Variants in TEX15 observed in about 807,000 individuals in gnomAD.
TEX15 encodes testis-expressed protein 15.
A neutral mutation model predicts 237.3 loss-of-function variants in TEX15; 171 were observed. That is an observed-to-expected ratio of 0.72 (90% CI 0.64 to 0.82). The LOEUF is 0.82. Ranked by LOEUF, TEX15 falls within the 40% of genes least tolerant of loss-of-function variation. The probability of loss-of-function intolerance (pLI) is 0.00; values close to 1 mark genes in which losing one functional copy is unlikely to be tolerated. For synonymous variants in TEX15, 1,338 were observed against 1,269.8 expected (o/e 1.05, Z -1.14); for missense variants, 3,750 against 3,646.5 (o/e 1.03, Z -0.73).
Position 30,848,722 on chromosome 8 carries a change from A to G in TEX15, c.1445T>C (p.Val482Ala), listed in dbSNP as rs768814130. The G allele has an allele frequency of 1.2e-6, 2 of 1,614,174 alleles. No individual in the cohort carries two copies. Among genetic ancestry groups the G allele is most frequent in the East Asian group, 2.2e-5 (1 of 44,880 alleles). The change falls in exon 8 of 11, where the codon GTT (valine) becomes GCT (alanine). Residue 482 changes from valine (V) to alanine (A), a missense_variant. By Grantham distance (64) the Val-to-Ala change is moderately conservative. Coordinates refer to ENST00000643185, the MANE Select transcript of TEX15 (RefSeq NM_001350162.2). ...TPSNSASSSE[V>A]VPGDCAVLTN... ...AAGAACAGCACAATCACCAGGGACA[A>G]CTTCTGAGGAGGAGGCAGAATTAGA...
intron 7 of TEX15, among the ~76,000 whole-genome samples, chr8:30,849,568 T>G (rs569877914): frequency 6.6e-6 from 1 of 152,058 alleles, no homozygotes; most frequent in Non-Finnish European, 1.5e-5. Context: ...AAAAGTTTAA[T>G]TCTGACAAAT....
intron 2 of TEX15, among the ~76,000 whole-genome samples, chr8:30,896,296 C>T (rs1179096097): frequency 2.6e-5 from 4 of 152,112 alleles, no homozygotes; most frequent in Admixed American, 1.3e-4. Context: ...TTTTATCACG[C>T]TTTTAATTTT....
At position 30,859,954 on chromosome 8, in the gene TEX15, G is replaced by T. The variant is rs1375813128; in HGVS notation, c.644C>A (p.Pro215His). 15 of 1,512,858 alleles carry T rather than the reference G, an allele frequency of 9.9e-6. No homozygotes were observed. Among genetic ancestry groups the T allele is most frequent in the Non-Finnish European group, 1.3e-5 (15 of 1,138,698 alleles). The allele number at this position is 1,512,858 out of a possible 1,614,324, so 93.7% of individuals were successfully genotyped here. A position where few individuals can be genotyped will look rare whatever the true frequency, so the allele number is the denominator to read the frequency against. The change falls in exon 6 of 11, where the codon CCT becomes CAT. Residue 215 changes from proline to histidine, a missense_variant. Physicochemically the swap from Pro to His is moderately conservative, Grantham distance 77. Transcript: ENST00000643185. ...NFDCHMSRNA[P>H]SLKDTIELQA... ...CAGTTCAATGGTATCTTTCAAAGAA[G>T]GTGCATTTCTTGACATATGGCAATC...
intron 1 of TEX15, among the ~76,000 whole-genome samples, chr8:30,911,917 C>A (rs1358335939): frequency 1.3e-5 from 2 of 152,196 alleles, no homozygotes; most frequent in Non-Finnish European, 2.9e-5. Flanking sequence ...GCACCCGCAC[C>A]ACGCCGGGAC....
At position 30,833,180 on chromosome 8, in the gene TEX15, TACC is replaced by T. The variant is rs1807218312; in HGVS notation, c.*103_*105del. The T allele has an allele frequency of 1.4e-6, 1 of 718,580 alleles. No individual in the cohort carries two copies. Among genetic ancestry groups the T allele is most frequent in the Non-Finnish European group, 2.3e-6 (1 of 429,630 alleles). 44.5% of individuals were successfully genotyped at this position (718,580 alleles called of 1,614,324 possible). The stretch of plus-strand genomic sequence containing the variant: ...AAAGGACCATATGATTTATATTTCC[TACC>T]ACATTTACAAACATTAAAAATCGCT... On this transcript the variant is annotated 3_prime_UTR_variant, in exon 11 of 11. Coordinates refer to ENST00000643185, the MANE Select transcript of TEX15 (RefSeq NM_001350162.2).
intron 2 of TEX15, among the ~76,000 whole-genome samples, chr8:30,894,771 A>G (rs1808862099): frequency 6.6e-6 from 1 of 152,246 alleles, no homozygotes. Flanking sequence ...AACAAAAAAC[A>G]TAAAGAAAAA....
chr8:30,909,397 C>A (rs1358075776), intron 1 of TEX15, among the ~76,000 whole-genome samples: 2 of 140,970 alleles, frequency 1.4e-5, no homozygotes, highest in Admixed American at 1.4e-4. Flanking sequence ...AAGACAGACC[C>A]CCCCCCGCCC....
At chr8:30,836,147 T>C (rs1479519824) in intron 10 of TEX15, among the ~76,000 whole-genome samples, 1 of 150,714 alleles carries the variant, frequency 6.6e-6, no homozygotes, top group East Asian at 1.9e-4. Context: ...ATGATATAGT[T>C]TTAAAAAAGT....
chr8:30,881,613 T>TTTTG, intron 3 of TEX15, among the ~76,000 whole-genome samples: 1 of 119,672 alleles, frequency 8.4e-6, no homozygotes, highest in African/African-American at 5.7e-5. Context: ...ATCTTGACTT[T>TTTTG]TTATTTTTTT....
At chr8:30,862,241 T>G (rs1025100065) in intron 5 of TEX15, among the ~76,000 whole-genome samples, 1 of 152,094 alleles carries the variant, frequency 6.6e-6, no homozygotes, top group Non-Finnish European at 1.5e-5. Flanking sequence ...CATTTAGGAG[T>G]GTAAAAACAA....
chr8:30,838,663 C>G lies in TEX15; in HGVS notation c.8223-602G>C, dbSNP rs528225411. 1.4e-4 allele frequency among the ~76,000 whole-genome samples: 21 copies of G among 150,376 alleles called. No individual in the cohort carries two copies. The South Asian group carries it at 4.4e-3, about 32-fold the overall frequency. ...CAAATGGGAATTGTCTAAAGCCAGA[C>G]AGTTAATATAGGTCCCTGAGGTAAT... On this transcript the variant is annotated intron_variant, in intron 9 of 10. Transcript: ENST00000643185.
chr8:30,869,293 G>A (rs1358707244), intron 4 of TEX15, among the ~76,000 whole-genome samples: 2 of 151,894 alleles, frequency 1.3e-5, no homozygotes, highest in Non-Finnish European at 2.9e-5. Context: ...ACTCTTTTCT[G>A]TACACAGTAA....
chr8:30,861,108 A>G (rs1473976077), intron 5 of TEX15, among the ~76,000 whole-genome samples: 2 of 152,212 alleles, frequency 1.3e-5, no homozygotes, highest in African/African-American at 2.4e-5. Flanking sequence ...TGTATTAAAA[A>G]TACTAAAAAT....
chr8:30,865,309 T>C (rs149446237), intron 5 of TEX15, among the ~76,000 whole-genome samples: 2 of 151,978 alleles, frequency 1.3e-5, no homozygotes, highest in Admixed American at 6.6e-5. Context: ...AGTGACAAGA[T>C]CAAAACAGTA....
At position 30,846,416 on chromosome 8, in the gene TEX15, G is replaced by C; in HGVS notation, c.3751C>G (p.His1251Asp). 6.2e-7 allele frequency: 1 copy of C among 1,613,354 alleles called. No individual in the cohort carries two copies. Among genetic ancestry groups the C allele is most frequent in the African/African-American group, 1.3e-5 (1 of 75,018 alleles). Reference sequence around the variant, plus strand: ...TCACTGTTCTGATTTTCAGACGTATGATTCACATCTGTATTACGACTCAAG... The same window carrying C: ...TCACTGTTCTGATTTTCAGACGTATCATTCACATCTGTATTACGACTCAAG... ...FDLSRNTDVN[H>D]TSENQNSESL... Residue 1251 changes from histidine to aspartate, a missense_variant, in exon 8 of 11, where the codon CAT becomes GAT. By Grantham distance (81) the His-to-Asp change is moderately conservative. Transcript: ENST00000643185.
In TEX15 at chr8:30,858,541, G is replaced by A. The variant is rs911316054; in HGVS notation, c.850+127C>T. On this transcript the variant is annotated intron_variant, in intron 7 of 10. Transcript: ENST00000643185. Reference sequence around the variant, plus strand: ...TGGCCAGGTTGGCCTCAAGTAATCCGCCCACTTCCGCCTCCCAAAGTGCTA... The same window carrying A: ...TGGCCAGGTTGGCCTCAAGTAATCCACCCACTTCCGCCTCCCAAAGTGCTA... 3.1e-5 allele frequency: 24 copies of A among 763,512 alleles called. No homozygotes were observed. In the African/African-American group the frequency reaches 3.3e-4, roughly 10 times the overall value. The allele number at this position is 763,512 out of a possible 1,614,324, so 47.3% of individuals were successfully genotyped here. A position where few individuals can be genotyped will look rare whatever the true frequency, so the allele number is the denominator to read the frequency against.
intron 6 of TEX15, 25 bp from the exon 7 acceptor site, chr8:30,858,855 C>T: frequency 2.0e-6 from 3 of 1,477,390 alleles, no homozygotes; most frequent in Non-Finnish European, 2.7e-6. Flanking sequence ...CAGGTTCATG[C>T]TGATTAATTT....
intron 7 of TEX15, among the ~76,000 whole-genome samples, 172 bp from the exon 8 acceptor site, chr8:30,849,488 T>C (rs1036246326): frequency 6.6e-6 from 1 of 151,934 alleles, no homozygotes; most frequent in Non-Finnish European, 1.5e-5. Context: ...GATTAACAAA[T>C]AAATAAAATA....
intron 2 of TEX15, among the ~76,000 whole-genome samples, chr8:30,889,954 C>CGT (rs767323464): frequency 1.9e-4 from 21 of 110,066 alleles, no homozygotes; most frequent in African/African-American, 8.1e-4. Context: ...TATATATATA[C>CGT]ATATATATAT....
Sources: allele counts gnomAD v4.1 joint callset (sites outside exome capture counted in the v4.1 genomes callset), GRCh38; gene constraint gnomAD v4.1.1; transcripts MANE v1.5; gene names NCBI Gene and HGNC (gene_info 2026-07-23, HGNC 2026-07-21).